The following NPDC1 variants were observed in gnomAD, a reference collection of about 807,000 sequenced individuals.
NPDC1 encodes neural proliferation, differentiation and control 1.
NPDC1 carries 18 observed loss-of-function variants against 32.5 expected under a neutral mutation model. The observed-to-expected ratio is 0.55, with a 90% confidence interval of 0.38 to 0.82. The LOEUF is 0.82. NPDC1 is among the 40% of genes least tolerant of loss of function. The probability of loss-of-function intolerance (pLI) is 0.00; values close to 1 mark genes in which losing one functional copy is unlikely to be tolerated. For missense variants in NPDC1, 468 were observed against 406.6 expected (o/e 1.15, Z -1.30); for synonymous variants, 210 against 184.7 (o/e 1.14, Z -1.11).
At chr9:137,043,395 C>A in intron 1 of NPDC1, 1 of 695,778 alleles carries the variant, frequency 1.4e-6, no homozygotes, top group Admixed American at 2.1e-5. Context: ...TGCAGCCCCA[C>A]AAGCCCAGCC....
At chr9:137,043,527 C>A in intron 1 of NPDC1, 1 of 605,856 alleles carries the variant, frequency 1.7e-6, no homozygotes. Flanking sequence ...CTCTCCTTCC[C>A]GTGCGGCTCT....
chr9:137,040,392 G>C lies in NPDC1; in HGVS notation c.753C>G (p.Tyr251Ter). 6.5e-7 allele frequency: 1 copy of C among 1,547,784 alleles called. No homozygotes were observed. Among genetic ancestry groups the C allele is most frequent in the Non-Finnish European group, 8.7e-7 (1 of 1,146,954 alleles). ...RLAQSAEMYH[Y>*]QHQRQQMLCL... ...ACAGCATCTGTTGCCGTTGGTGCTGGTAGTGGTACATCTCCGCGCTCTGTG... is the reference window on the plus strand; with the variant it reads ...ACAGCATCTGTTGCCGTTGGTGCTGCTAGTGGTACATCTCCGCGCTCTGTG... The change falls in exon 7 of 9, where the codon TAC becomes TAG. Residue 251 changes from tyrosine to a stop codon, truncating the protein, a stop_gained. Transcript: ENST00000371601. LOFTEE classifies it high-confidence loss of function.
At chr9:137,041,645 G>A (rs1832058164) in intron 2 of NPDC1, among the ~76,000 whole-genome samples, 1 of 152,164 alleles carries the variant, frequency 6.6e-6, no homozygotes, top group Admixed American at 6.5e-5. Flanking sequence ...GCTGGTGGCA[G>A]GGCTCCACCG....
rs760853593 is a variant in NPDC1, at chr9:137,040,621, C to G, written c.624-23G>C. The G allele has an allele frequency of 5.8e-6, 9 of 1,563,462 alleles. 1 individual carries two copies. In the Admixed American group the frequency reaches 1.5e-4, roughly 26 times the overall value. ...AGCCTGTGGGGAGTGGGGCCTGAGA[C>G]CTCTGAGCGTGTGGCACCCTCCCTG... is the stretch of plus-strand genomic sequence containing the variant. On this transcript the variant is annotated intron_variant, in intron 5 of 8. Coordinates refer to ENST00000371601, the MANE Select transcript of NPDC1 (RefSeq NM_015392.4).
chr9:137,042,849 C>A, intron 2 of NPDC1, 78 bp downstream of exon 2: 1 of 1,514,014 alleles, frequency 6.6e-7, no homozygotes, highest in South Asian at 1.3e-5. Flanking sequence ...TGAGCCACCG[C>A]GCCCAGCCGG....
At chr9:137,043,189 G>T in intron 1 of NPDC1, 116 bp from the exon 2 acceptor site, 1 of 1,204,718 alleles carries the variant, frequency 8.3e-7, no homozygotes, top group Non-Finnish European at 1.2e-6. Context: ...GCCGGGCCTG[G>T]TTCTGGCCAT....
At position 137,040,346 on chromosome 9, in the gene NPDC1, C is replaced by T. The variant is rs778756854; in HGVS notation, c.788+11G>A. 2.3e-5 allele frequency: 35 copies of T among 1,537,880 alleles called. No homozygotes were observed. The highest frequency in any genetic ancestry group is 4.9e-5 in the East Asian group (2 of 40,824). ...GTGGGTGGGGGTGGCAGTGCCGGGG[C>T]GGCCACTCACCGCTCCAGGCACAGC... On this transcript the variant is annotated intron_variant, in intron 7 of 8. Transcript: ENST00000371601.
In NPDC1 at chr9:137,041,153, C is replaced by A; in HGVS notation, c.294G>T (p.Glu98Asp). ...CAAGCTCCTGGGCCAGGAAGTCAAT[C>A]TCATCTTCCAGTCTGGGCTGGGGCC... ...GGRPQPRLED[E>D]IDFLAQELAR... The change falls in exon 3 of 9, where the codon GAG becomes GAT. Residue 98 changes from glutamate to aspartate, a missense_variant. Coordinates refer to ENST00000371601, the MANE Select transcript of NPDC1 (RefSeq NM_015392.4). 6.7e-7 allele frequency: 1 copy of A among 1,487,492 alleles called. No individual in the cohort carries two copies. The allele number at this position is 1,487,492 out of a possible 1,614,324, so 92.1% of individuals were successfully genotyped here. A position where few individuals can be genotyped will look rare whatever the true frequency, so the allele number is the denominator to read the frequency against.
In NPDC1 at chr9:137,040,877, A is replaced by T. The variant is rs748397259; in HGVS notation, c.493T>A (p.Ser165Thr). Reference sequence around the variant, plus strand: ...AGGGGCGACATGTGCACCGGGTCGGATGACACAGGGGAGCCCAGGGAGGTG... The same window carrying T: ...AGGGGCGACATGTGCACCGGGTCGGTTGACACAGGGGAGCCCAGGGAGGTG... ...PHTSLGSPVSSDPVHMSPLEP... is the reference protein window; with the variant it reads ...PHTSLGSPVSTDPVHMSPLEP... Residue 165 changes from serine (S) to threonine (T), a missense_variant, in exon 4 of 9, where the codon TCC becomes ACC. Coordinates refer to ENST00000371601, the MANE Select transcript of NPDC1 (RefSeq NM_015392.4). 2.5e-6 allele frequency: 4 copies of T among 1,599,356 alleles called. No homozygotes were observed. Among genetic ancestry groups the T allele is most frequent in the Non-Finnish European group, 3.4e-6 (4 of 1,175,768 alleles).
chr9:137,045,241 A>G (rs988209310), intron 1 of NPDC1, among the ~76,000 whole-genome samples: 2 of 152,228 alleles, frequency 1.3e-5, no homozygotes, highest in Non-Finnish European at 2.9e-5. Context: ...AGTCCCAAAG[A>G]CAGAATGCCA....
At chr9:137,041,340 G>A (rs573545579) in intron 2 of NPDC1, among the ~76,000 whole-genome samples, 153 bp from the exon 3 acceptor site, 7 of 152,322 alleles carry the variant, frequency 4.6e-5, no homozygotes, top group South Asian at 2.1e-4. Context: ...TGGTGACAGC[G>A]CGGGCGCTTC....
chr9:137,041,232 G>A, intron 2 of NPDC1, 45 bp from the exon 3 acceptor site: 4 of 1,379,990 alleles, frequency 2.9e-6, no homozygotes, highest in Non-Finnish European at 2.8e-6. Flanking sequence ...CCGTCCAGGA[G>A]GTAGCCCCAG....
intron 7 of NPDC1, 33 bp downstream of exon 7, chr9:137,040,324 G>A (rs1448623234): frequency 3.5e-6 from 4 of 1,138,766 alleles, no homozygotes; most frequent in South Asian, 1.3e-5. Context: ...GGGGTGGGTG[G>A]GTGGGGGTGG....
At chr9:137,041,892 A>G (rs970876380) in intron 2 of NPDC1, among the ~76,000 whole-genome samples, 1 of 152,244 alleles carries the variant, frequency 6.6e-6, no homozygotes, top group South Asian at 2.1e-4. Context: ...CCCAGCACCC[A>G]GCCAGTGCTG....
In NPDC1 at chr9:137,040,038, G is replaced by A. The variant is rs143132513; in HGVS notation, c.818C>T (p.Thr273Met). The change falls in exon 8 of 9, where the codon ACG (threonine) becomes ATG (methionine). Residue 273 changes from threonine (T) to methionine (M), a missense_variant. Thr to Met is a moderately conservative substitution (Grantham distance 81). Coordinates refer to ENST00000371601, the MANE Select transcript of NPDC1 (RefSeq NM_015392.4). ...CTCATTCTCCTCATCCGAGGAGGCC[G>A]TGTCCAGCTCCTTGGGTGGCTCTTT... is the stretch of plus-strand genomic sequence containing the variant. ...RHKEPPKELDTASSDEENEDG... is the reference protein window; with the variant it reads ...RHKEPPKELDMASSDEENEDG... 8 of 778,680 alleles carry A rather than the reference G, an allele frequency of 1.0e-5. No homozygotes were observed. The highest frequency in any genetic ancestry group is 1.7e-5 in the African/African-American group (1 of 58,964). 48.2% of individuals were successfully genotyped at this position (778,680 alleles called of 1,614,324 possible).
Position 137,041,034 on chromosome 9 carries a change from C to T in NPDC1, c.385+28G>A, listed in dbSNP as rs375313110. On this transcript the variant is annotated intron_variant, in intron 3 of 8. Coordinates refer to ENST00000371601, the MANE Select transcript of NPDC1 (RefSeq NM_015392.4). Reference sequence around the variant, plus strand: ...GAGAGCACTGGGCTAGGGACAGGGCCGTGGGGCAGGGGAAGCGGGGGTCTC... The same window carrying T: ...GAGAGCACTGGGCTAGGGACAGGGCTGTGGGGCAGGGGAAGCGGGGGTCTC... 572 of 1,519,630 alleles carry T rather than the reference C, an allele frequency of 3.8e-4. 1 individual carries two copies. Among genetic ancestry groups the T allele is most frequent in the Non-Finnish European group, 4.7e-4 (538 of 1,135,004 alleles). The allele number at this position is 1,519,630 out of a possible 1,614,324, so 94.1% of individuals were successfully genotyped here.
intron 2 of NPDC1, among the ~76,000 whole-genome samples, chr9:137,042,138 G>A (rs1588548443): frequency 1.3e-5 from 2 of 152,344 alleles, no homozygotes; most frequent in East Asian, 1.9e-4. Flanking sequence ...ATTTGGAAAG[G>A]ATGGGAGGCT....
In NPDC1 at chr9:137,040,699, G is replaced by A. The variant is rs1324799717; in HGVS notation, c.595C>T (p.Leu199Phe). Residue 199 changes from leucine to phenylalanine, a missense_variant, in exon 5 of 9, where the codon CTC (leucine) becomes TTC (phenylalanine). Coordinates refer to ENST00000371601, the MANE Select transcript of NPDC1 (RefSeq NM_015392.4). The stretch of plus-strand genomic sequence containing the variant: ...CACCAGCAGAGGGAGGCTACGGAGA[G>A]GGCGGCTGCACCGGCCACACAGAAC... ...LAFCVAGAAA[L>F]SVASLCWCRL... 11 of 1,586,700 alleles carry A rather than the reference G, an allele frequency of 6.9e-6. No individual in the cohort carries two copies. The highest frequency in any genetic ancestry group is 8.5e-6 in the Non-Finnish European group (10 of 1,172,028).
At chr9:137,045,543 G>A (rs1216711673) in intron 1 of NPDC1, among the ~76,000 whole-genome samples, 1 of 152,222 alleles carries the variant, frequency 6.6e-6, no homozygotes, top group East Asian at 1.9e-4. Flanking sequence ...CACACAGGCA[G>A]ACTCCCGGCG....
Sources: allele counts gnomAD v4.1 joint callset (sites outside exome capture counted in the v4.1 genomes callset), GRCh38; gene constraint gnomAD v4.1.1; transcripts MANE v1.5; gene names NCBI Gene and HGNC (gene_info 2026-07-23, HGNC 2026-07-21).